PABPC4L: variants seen among roughly 807,000 people sequenced by gnomAD.
PABPC4L encodes poly(A) binding protein cytoplasmic 4 like, also known as polyadenylate-binding protein 4-like.
For synonymous variants in PABPC4L, 169 were observed against 164.1 expected (o/e 1.03, Z -0.23); for missense variants, 452 against 451.4 (o/e 1.00, Z -0.01).
At chr4:133,970,076 AT>A in the PABPC4L span, among the ~76,000 whole-genome samples, 2 of 123,390 alleles carry the variant, frequency 1.6e-5, no homozygotes, top group African/African-American at 2.6e-5. Flanking sequence ...TATTTAAAAA[AT>A]ATATATATTT....
the PABPC4L span, among the ~76,000 whole-genome samples, chr4:134,089,519 G>A: frequency 2.0e-5 from 3 of 151,984 alleles, no homozygotes; most frequent in Admixed American, 6.6e-5. Flanking sequence ...AGTTTTTACA[G>A]TATACATTTA....
the PABPC4L span, among the ~76,000 whole-genome samples, chr4:134,016,065 T>C: frequency 6.6e-6 from 1 of 152,188 alleles, no homozygotes; most frequent in African/African-American, 2.4e-5. Flanking sequence ...TCCCCACATT[T>C]CCATCTTTCA....
At chr4:134,085,412 T>C in the PABPC4L span, among the ~76,000 whole-genome samples, 1 of 152,246 alleles carries the variant, frequency 6.6e-6, no homozygotes, top group South Asian at 2.1e-4. Flanking sequence ...TTCTGTATTA[T>C]AAATTTATAA....
At chr4:134,033,317 C>T in the PABPC4L span, among the ~76,000 whole-genome samples, 4 of 151,788 alleles carry the variant, frequency 2.6e-5, no homozygotes, top group African/African-American at 9.7e-5. Context: ...TTGTCTCTTT[C>T]CCTTTCCTCT....
At chr4:134,059,907 GGT>G in the PABPC4L span, among the ~76,000 whole-genome samples, 1 of 152,062 alleles carries the variant, frequency 6.6e-6, no homozygotes, top group Non-Finnish European at 1.5e-5. Flanking sequence ...CACAGTACCT[GGT>G]TTTAACTTCG....
At chr4:133,987,985 G>T in the PABPC4L span, among the ~76,000 whole-genome samples, 1 of 152,140 alleles carries the variant, frequency 6.6e-6, no homozygotes, top group African/African-American at 2.4e-5. Flanking sequence ...AGCAAGAAGT[G>T]CAGAGTGAAG....
At chr4:134,106,559 A>T in the PABPC4L span, among the ~76,000 whole-genome samples, 11 of 151,692 alleles carry the variant, frequency 7.3e-5, no homozygotes, top group South Asian at 2.3e-3. Context: ...ACAATTAGTG[A>T]GACAGAAAAA....
At chr4:134,040,390 T>A in the PABPC4L span, among the ~76,000 whole-genome samples, 2 of 151,800 alleles carry the variant, frequency 1.3e-5, no homozygotes, top group African/African-American at 4.8e-5. Context: ...TATAGACCAA[T>A]GGAACAGAAC....
chr4:133,981,551 GA>G, the PABPC4L span, among the ~76,000 whole-genome samples: 4 of 152,120 alleles, frequency 2.6e-5, no homozygotes, highest in African/African-American at 4.8e-5. Context: ...TTAACAGGGG[GA>G]AAAATTGTCT....
chr4:133,985,058 C>T, the PABPC4L span, among the ~76,000 whole-genome samples: 3 of 151,854 alleles, frequency 2.0e-5, no homozygotes, highest in East Asian at 3.9e-4. Flanking sequence ...TTGTTGTTAT[C>T]GAGCTAAGAA....
At position 134,200,716 on chromosome 4, in the gene PABPC4L, T is replaced by C. The variant is rs1288342954; in HGVS notation, c.304A>G (p.Ile102Val). The change falls in exon 2 of 2, where the codon ATC (isoleucine) becomes GTC (valine). Residue 102 changes from isoleucine to valine, a missense_variant. Transcript: ENST00000421491. ...LRRSGIGNVFIKNLDKSIDNK... is the reference protein window; with the variant it reads ...LRRSGIGNVFVKNLDKSIDNK... Reference sequence around the variant, plus strand: ...TCGATAGATTTGTCCAGATTCTTGATGAATACGTTCCCAATTCCAGATCTC... The same window carrying C: ...TCGATAGATTTGTCCAGATTCTTGACGAATACGTTCCCAATTCCAGATCTC... The C allele has an allele frequency of 6.4e-7, 1 of 1,551,712 alleles. No individual in the cohort carries two copies.
chr4:133,965,569 C>T, the PABPC4L span, among the ~76,000 whole-genome samples: 1 of 152,126 alleles, frequency 6.6e-6, no homozygotes, highest in Non-Finnish European at 1.5e-5. Flanking sequence ...TCAAACTACA[C>T]TCTAAGGCCA....
the PABPC4L span, among the ~76,000 whole-genome samples, chr4:134,169,337 A>G: frequency 6.6e-6 from 1 of 151,874 alleles, no homozygotes; most frequent in Non-Finnish European, 1.5e-5. Context: ...AAACCCACGA[A>G]TATTATCATA....
the PABPC4L span, among the ~76,000 whole-genome samples, chr4:134,004,838 T>A: frequency 2.0e-5 from 3 of 151,916 alleles, no homozygotes; most frequent in African/African-American, 7.2e-5. Context: ...GATATTATGT[T>A]AAGGAGATAA....
At chr4:134,180,251 A>C in the PABPC4L span, among the ~76,000 whole-genome samples, 22 of 152,204 alleles carry the variant, frequency 1.4e-4, no homozygotes, top group Admixed American at 1.2e-3. Flanking sequence ...ACTCAATACA[A>C]TAATATGGAA....
the PABPC4L span, among the ~76,000 whole-genome samples, chr4:134,175,675 C>A: frequency 6.5e-3 from 992 of 152,182 alleles, 11 homozygotes; most frequent in African/African-American, 0.022. Flanking sequence ...TCTTGAATTC[C>A]TGGCCTCATG....
At chr4:134,058,509 C>T in the PABPC4L span, among the ~76,000 whole-genome samples, 2 of 151,920 alleles carry the variant, frequency 1.3e-5, no homozygotes, top group East Asian at 1.9e-4. Context: ...CACACACACA[C>T]GAGTTATTGC....
chr4:134,137,615 C>A, the PABPC4L span, among the ~76,000 whole-genome samples: 1 of 151,774 alleles, frequency 6.6e-6, no homozygotes, highest in Non-Finnish European at 1.5e-5. Context: ...CCCTGGAGTT[C>A]TTTTTTATTC....
chr4:134,054,334 A>AT, the PABPC4L span, among the ~76,000 whole-genome samples: 45 of 143,046 alleles, frequency 3.1e-4, no homozygotes, highest in East Asian at 1.2e-3. Context: ...TTTTAAATAA[A>AT]TTTTTTTTTA....
Sources: gnomAD v4.1 joint callset for allele counts (sites outside exome capture counted in the v4.1 genomes callset) on GRCh38, gnomAD v4.1.1 for gene constraint, MANE v1.5 for transcripts, NCBI Gene and HGNC (gene_info 2026-07-23, HGNC 2026-07-21) for gene names.